Variants in C12orf42 observed in about 807,000 individuals in gnomAD.
The protein encoded by C12orf42 is chromosome 12 open reading frame 42.
A neutral mutation model predicts 21.6 loss-of-function variants in C12orf42; 25 were observed. The observed-to-expected ratio is 1.16, with a 90% CI of 0.84 to 1.62. The LOEUF is 1.62. C12orf42 is among the 40% of genes most tolerant of loss of function. C12orf42 has a pLI of 0.00. For missense variants in C12orf42, 483 were observed against 459.3 expected (o/e 1.05, Z -0.47); for synonymous variants, 174 against 175.0 (o/e 0.99, Z 0.05).
chr12:103,389,207 G>C (rs2046868228), intron 3 of C12orf42, among the ~76,000 whole-genome samples: 1 of 152,208 alleles, frequency 6.6e-6, no homozygotes, highest in South Asian at 2.1e-4. Context: ...TATGGGGAAT[G>C]GGTTGGGGGT....
At chr12:103,318,167 T>C (rs1168212090) in intron 4 of C12orf42, among the ~76,000 whole-genome samples, 1 of 152,130 alleles carries the variant, frequency 6.6e-6, no homozygotes, top group Non-Finnish European at 1.5e-5. Context: ...CATGTGCCTG[T>C]AGTCTTAGCT....
chr12:103,337,680 T>C (rs947200066), intron 4 of C12orf42, among the ~76,000 whole-genome samples: 3 of 152,138 alleles, frequency 2.0e-5, no homozygotes, highest in African/African-American at 4.8e-5. Flanking sequence ...ACATGGACCA[T>C]ATCCCTCTAG....
the C12orf42 span, among the ~76,000 whole-genome samples, chr12:103,060,943 C>T: frequency 6.6e-6 from 1 of 152,138 alleles, no homozygotes; most frequent in South Asian, 2.1e-4. Flanking sequence ...ACACCAAAAG[C>T]AATTGCAACA....
the C12orf42 span, among the ~76,000 whole-genome samples, chr12:103,190,949 A>G: frequency 1.3e-5 from 2 of 152,178 alleles, no homozygotes; most frequent in Non-Finnish European, 2.9e-5. Context: ...AGAGATCTAC[A>G]CTGAGAAAAC....
chr12:103,177,872 TGTGC>T, the C12orf42 span, among the ~76,000 whole-genome samples: 41 of 122,648 alleles, frequency 3.3e-4, no homozygotes, highest in African/African-American at 8.8e-4. Context: ...TGTGTGTGTG[TGTGC>T]GCGCGCGCTA....
intron 1 of C12orf42, among the ~76,000 whole-genome samples, chr12:103,493,513 T>G (rs1955314505): frequency 6.6e-6 from 1 of 152,010 alleles, no homozygotes. Flanking sequence ...TTGCTTGGTG[T>G]TCCCCTGCAT....
At chr12:103,082,281 A>G in the C12orf42 span, among the ~76,000 whole-genome samples, 1 of 152,242 alleles carries the variant, frequency 6.6e-6, no homozygotes, top group Non-Finnish European at 1.5e-5. Flanking sequence ...AGAGGATGAA[A>G]TTGTTAATTA....
chr12:103,083,415 T>C, the C12orf42 span, among the ~76,000 whole-genome samples: 1 of 152,176 alleles, frequency 6.6e-6, no homozygotes, highest in Non-Finnish European at 1.5e-5. Context: ...ATGCCCAGAA[T>C]TATTTTTCAA....
chr12:103,116,710 G>A, the C12orf42 span, among the ~76,000 whole-genome samples: 4 of 152,184 alleles, frequency 2.6e-5, no homozygotes, highest in Admixed American at 6.5e-5. Context: ...TCAGTCTCTC[G>A]TCCTCACTGA....
the C12orf42 span, among the ~76,000 whole-genome samples, chr12:103,197,196 A>C: frequency 6.6e-6 from 1 of 152,126 alleles, no homozygotes; most frequent in African/African-American, 2.4e-5. Context: ...CTGGATATAA[A>C]ATTTTTGGTT....
intron 2 of C12orf42, among the ~76,000 whole-genome samples, chr12:103,406,036 C>T (rs921143411): frequency 1.3e-5 from 2 of 152,134 alleles, no homozygotes; most frequent in African/African-American, 2.4e-5. Context: ...CATCAATATA[C>T]CAGTGTACTA....
At chr12:103,329,404 G>C (rs951948676) in intron 4 of C12orf42, among the ~76,000 whole-genome samples, 2 of 152,226 alleles carry the variant, frequency 1.3e-5, no homozygotes, top group East Asian at 1.9e-4. Context: ...AGGAGAGGGA[G>C]AGCATTGGGA....
chr12:103,291,058 T>C (rs973272220), intron 4 of C12orf42, among the ~76,000 whole-genome samples: 7 of 152,206 alleles, frequency 4.6e-5, no homozygotes, highest in Non-Finnish European at 8.8e-5. Context: ...ATATAGTATT[T>C]AGTCAGATGA....
intron 2 of C12orf42, among the ~76,000 whole-genome samples, chr12:103,475,122 C>G (rs1953945203): frequency 6.6e-6 from 1 of 152,194 alleles, no homozygotes; most frequent in Non-Finnish European, 1.5e-5. Flanking sequence ...AAGCCATCTT[C>G]CATTGAGAAG....
chr12:103,286,843 G>T lies in C12orf42; in HGVS notation n.338-9633C>A, dbSNP rs528644348. 5.9e-4 allele frequency among the ~76,000 whole-genome samples: 89 copies of T among 152,068 alleles called. 1 individual carries two copies. The highest frequency in any genetic ancestry group is 1.5e-3 in the South Asian group (7 of 4,818). ...AGCACTCTAAACAGGAATGTGTTGGGTACGGTAAAGGGAGGTTGGTAAAGC... is the reference window on the plus strand; with the variant it reads ...AGCACTCTAAACAGGAATGTGTTGGTTACGGTAAAGGGAGGTTGGTAAAGC... On this transcript the variant is annotated intron_variant and non_coding_transcript_variant, in intron 4 of 6. Coordinates refer to the C12orf42 transcript ENST00000546526.
At chr12:103,412,758 T>C (rs2048960643) in intron 2 of C12orf42, among the ~76,000 whole-genome samples, 2 of 152,248 alleles carry the variant, frequency 1.3e-5, no homozygotes, top group South Asian at 2.1e-4. Context: ...GCTCCTTATA[T>C]GTCTTCTTTT....
At chr12:103,210,967 A>G in the C12orf42 span, among the ~76,000 whole-genome samples, 1 of 152,084 alleles carries the variant, frequency 6.6e-6, no homozygotes, top group South Asian at 2.1e-4. Context: ...CCCGGATGAC[A>G]AAGCGAGACT....
At chr12:103,434,681 C>T (rs558596333) in intron 2 of C12orf42, among the ~76,000 whole-genome samples, 1 of 152,276 alleles carries the variant, frequency 6.6e-6, no homozygotes, top group South Asian at 2.1e-4. Context: ...CCGAATATTG[C>T]GCTTTTCGGA....
intron 4 of C12orf42, among the ~76,000 whole-genome samples, chr12:103,366,990 T>G (rs955645606): frequency 6.6e-6 from 1 of 151,996 alleles, no homozygotes; most frequent in African/African-American, 2.4e-5. Context: ...ATGAAAAAGA[T>G]TCTTGGACAT....
Sources: gnomAD v4.1 joint callset for allele counts (sites outside exome capture counted in the v4.1 genomes callset) on GRCh38, gnomAD v4.1.1 for gene constraint, MANE v1.5 for transcripts, NCBI Gene and HGNC (gene_info 2026-07-23, HGNC 2026-07-21) for gene names.